Variants in KATNBL1 observed in about 807,000 individuals in gnomAD.
KATNBL1 encodes katanin regulatory subunit B1 like 1.
KATNBL1 carries 28 observed loss-of-function variants against 44.7 expected under a neutral mutation model. The observed-to-expected ratio is 0.63, with a 90% CI of 0.46 to 0.86. The LOEUF (loss-of-function observed/expected upper bound fraction) is 0.86, where lower values mean the gene tolerates loss of function less well. Among genes scored for constraint, KATNBL1 ranks in the 40% least tolerant of loss-of-function variants. The probability of loss-of-function intolerance (pLI) is 0.00; values close to 1 mark genes in which losing one functional copy is unlikely to be tolerated. For synonymous variants in KATNBL1, 78 were observed against 114.9 expected (o/e 0.68, Z 2.06); for missense variants, 272 against 350.7 (o/e 0.78, Z 1.79).
chr15:34,173,927 C>A (rs896060478), intron 1 of KATNBL1, among the ~76,000 whole-genome samples: 1 of 152,088 alleles, frequency 6.6e-6, no homozygotes, highest in Non-Finnish European at 1.5e-5. Context: ...AGCAGATCTA[C>A]CCTAAAAGAA....
chr15:34,203,590 C>G (rs889313014), intron 1 of KATNBL1, among the ~76,000 whole-genome samples: 2 of 152,234 alleles, frequency 1.3e-5, no homozygotes, highest in African/African-American at 4.8e-5. Context: ...TGGAAATTAG[C>G]TTATGCACTT....
At chr15:34,151,970 T>C (rs1888493181) in intron 4 of KATNBL1, among the ~76,000 whole-genome samples, 1 of 151,100 alleles carries the variant, frequency 6.6e-6, no homozygotes, top group Admixed American at 6.6e-5. Flanking sequence ...AGATGGAGTC[T>C]TGCTCTCTTG....
At chr15:34,200,856 C>T (rs376630762) in intron 1 of KATNBL1, among the ~76,000 whole-genome samples, 8 of 151,588 alleles carry the variant, frequency 5.3e-5, no homozygotes, top group East Asian at 2.0e-4. Flanking sequence ...CTTGCTCTGT[C>T]GCCAGGCTGG....
At chr15:34,167,071 A>G (rs1227835822) in intron 1 of KATNBL1, among the ~76,000 whole-genome samples, 1 of 152,214 alleles carries the variant, frequency 6.6e-6, no homozygotes, top group Admixed American at 6.5e-5. Context: ...CACCAGCAAG[A>G]GAACAAAACT....
At chr15:34,189,437 A>C (rs1451222407) in intron 1 of KATNBL1, among the ~76,000 whole-genome samples, 1 of 152,226 alleles carries the variant, frequency 6.6e-6, no homozygotes, top group South Asian at 2.1e-4. Context: ...AAGTCTAATA[A>C]GTCTCTCTTG....
chr15:34,191,153 C>T (rs1889859614), intron 1 of KATNBL1, among the ~76,000 whole-genome samples: 1 of 49,274 alleles, frequency 2.0e-5, no homozygotes, highest in Non-Finnish European at 3.7e-5. Flanking sequence ...AAATCATAGA[C>T]CATATATATA....
At chr15:34,181,852 A>G in intron 1 of KATNBL1, among the ~76,000 whole-genome samples, 1 of 15,208 alleles carries the variant, frequency 6.6e-5, no homozygotes, top group South Asian at 2.9e-3. Flanking sequence ...ACATATATAT[A>G]GTCCATATAT....
At chr15:34,182,538 G>C (rs1415615282) in intron 1 of KATNBL1, among the ~76,000 whole-genome samples, 1 of 151,938 alleles carries the variant, frequency 6.6e-6, no homozygotes, top group Non-Finnish European at 1.5e-5. Flanking sequence ...AAATTATGCT[G>C]GGACAATAGG....
intron 8 of KATNBL1, chr15:34,146,074 T>A (rs1888302136): frequency 6.6e-6 from 1 of 151,734 alleles, no homozygotes; most frequent in African/African-American, 2.4e-5. Context: ...TCAGCCTGAG[T>A]AGCTGGGACT....
chr15:34,165,565 G>A (rs1352451658), intron 1 of KATNBL1, among the ~76,000 whole-genome samples: 1 of 152,138 alleles, frequency 6.6e-6, no homozygotes, highest in East Asian at 1.9e-4. Flanking sequence ...CGGAGGCTGA[G>A]GCAGGCGGAT....
At chr15:34,174,095 GT>G (rs1889252357) in intron 1 of KATNBL1, among the ~76,000 whole-genome samples, 1 of 152,170 alleles carries the variant, frequency 6.6e-6, no homozygotes, top group Non-Finnish European at 1.5e-5. Context: ...TCCAAATTAT[GT>G]TTAATTGTTG....
chr15:34,203,884 G>T (rs1162658334), intron 1 of KATNBL1, among the ~76,000 whole-genome samples: 1 of 151,760 alleles, frequency 6.6e-6, no homozygotes, highest in Non-Finnish European at 1.5e-5. Context: ...CTGTTGGGGG[G>T]TGGGGGGCTA....
chr15:34,202,530 A>G (rs184614287), intron 1 of KATNBL1, among the ~76,000 whole-genome samples: 117 of 152,368 alleles, frequency 7.7e-4, no homozygotes, highest in African/African-American at 2.6e-3. Flanking sequence ...GGGCACCACC[A>G]TATCTCCTAG....
intron 2 of KATNBL1, among the ~76,000 whole-genome samples, chr15:34,162,785 AGTTT>A (rs1888847747): frequency 6.6e-6 from 1 of 151,236 alleles, no homozygotes; most frequent in Non-Finnish European, 1.5e-5. Flanking sequence ...AGTTGAAAAA[AGTTT>A]TTTTGGTAGA....
rs1253980771 is a variant in KATNBL1 at position 34,166,981 on chromosome 15, G to A, written c.-14-3291C>T. ...CACCAAAGGTAGATAAAACCACAAA[G>A]ATGGGGAGAAACCAGAGCAGAAAGG... On this transcript the variant is annotated intron_variant, in intron 1 of 9. Coordinates refer to ENST00000256544, the MANE Select transcript of KATNBL1 (RefSeq NM_024713.3). 1.3e-5 allele frequency among the ~76,000 whole-genome samples: 2 copies of A among 152,164 alleles called. 1 individual carries two copies. The highest frequency in any genetic ancestry group is 1.3e-4 in the Admixed American group (2 of 15,268).
At chr15:34,156,065 G>C (rs1203551317) in intron 2 of KATNBL1, among the ~76,000 whole-genome samples, 1 of 152,180 alleles carries the variant, frequency 6.6e-6, no homozygotes, top group Non-Finnish European at 1.5e-5. Context: ...CCAGTTACTA[G>C]GCAGAGTGTC....
chr15:34,154,931 CTAATTCTGATAGG>C (rs748651769), intron 2 of KATNBL1: 4,993 of 478,828 alleles, frequency 0.01, 18 homozygotes, highest in Non-Finnish European at 0.014. Context: ...ACAGTCTAAA[CTAATTCTGATAGG>C]CTATCTGGGT....
chr15:34,152,122 T>G (rs1888499083), intron 4 of KATNBL1, among the ~76,000 whole-genome samples: 1 of 151,588 alleles, frequency 6.6e-6, no homozygotes, highest in South Asian at 2.1e-4. Flanking sequence ...TGTACTTTTG[T>G]AGAGACAGGG....
At chr15:34,197,575 G>C (rs988025448) in intron 1 of KATNBL1, among the ~76,000 whole-genome samples, 15 of 152,174 alleles carry the variant, frequency 9.9e-5, no homozygotes, top group Admixed American at 9.2e-4. Context: ...TTCTATATGT[G>C]CATATGTAGC....
Sources: gnomAD v4.1 joint callset for allele counts (sites outside exome capture counted in the v4.1 genomes callset) on GRCh38, gnomAD v4.1.1 for gene constraint, MANE v1.5 for transcripts, NCBI Gene and HGNC (gene_info 2026-07-23, HGNC 2026-07-21) for gene names.